The following HERC1 variants were observed in gnomAD, a reference collection of about 807,000 sequenced individuals.
The protein encoded by HERC1 is probable E3 ubiquitin-protein ligase HERC1.
A neutral mutation model predicts 554.3 loss-of-function variants in HERC1; 160 were observed. The observed-to-expected ratio is 0.29, with a 90% CI of 0.25 to 0.33. The LOEUF is 0.33. Ranked by LOEUF, HERC1 falls within the 10% of genes least tolerant of loss-of-function variation. The pLI is 1.00. For missense variants in HERC1, 4,919 were observed against 5,918.5 expected (o/e 0.83, Z 5.54); for synonymous variants, 2,175 against 2,131.7 (o/e 1.02, Z -0.56).
At chr15:63,616,868 G>C (rs2067841029) in intron 74 of HERC1, 186 bp from the exon 75 acceptor site, 2 of 586,676 alleles carry the variant, frequency 3.4e-6, no homozygotes, top group Admixed American at 6.0e-5. Flanking sequence ...ATCACACGTT[G>C]AGTTCTCAAA....
intron 14 of HERC1, among the ~76,000 whole-genome samples, chr15:63,732,654 TTCTC>T (rs1234240413): frequency 2.0e-5 from 3 of 152,244 alleles, no homozygotes; most frequent in Non-Finnish European, 4.4e-5. Flanking sequence ...CTCATTATTC[TTCTC>T]TCTAAAAATG....
chr15:63,791,533 A>G (rs1212836602), intron 1 of HERC1, among the ~76,000 whole-genome samples: 1 of 152,230 alleles, frequency 6.6e-6, no homozygotes, highest in Non-Finnish European at 1.5e-5. Context: ...ACATCCAACT[A>G]GTAACATTTC....
At chr15:63,800,426 T>G (rs1269287263) in intron 1 of HERC1, among the ~76,000 whole-genome samples, 1 of 152,204 alleles carries the variant, frequency 6.6e-6, no homozygotes, top group East Asian at 1.9e-4. Context: ...GCAGTTCTCT[T>G]TATTTAGAGC....
Position 63,775,258 on chromosome 15 carries a change from A to G in HERC1, c.366T>C (p.His122=). The G allele has an allele frequency of 6.2e-7, 1 of 1,613,996 alleles. No individual in the cohort carries two copies. Among genetic ancestry groups the G allele is most frequent in the Non-Finnish European group, 8.5e-7 (1 of 1,179,882 alleles). Reference sequence around the variant, plus strand: ...GCTGCTGCTTCACCTTGCCTTTGTCATGGTATTTATTAGAAAGTGCATAAA... The same window carrying G: ...GCTGCTGCTTCACCTTGCCTTTGTCGTGGTATTTATTAGAAAGTGCATAAA... The part of the protein sequence containing the change: ...RVFYALSNKY[H]DKGKVKQQQH... The change falls in exon 2 of 78, where the codon CAT becomes CAC. Residue 122 remains histidine (H), a synonymous_variant. Coordinates refer to ENST00000443617, the MANE Select transcript of HERC1 (RefSeq NM_003922.4). The surrounding 1 kb of genome is among the most constrained non-coding windows in gnomAD (Gnocchi z 4.0).
rs771034824 is a variant in HERC1, at chr15:63,773,579, G to A, written c.930+1115C>T. On this transcript the variant is annotated intron_variant, in intron 2 of 77. Transcript: ENST00000443617. ...TATTTTATTTTTGAGACAGATTCTC[G>A]CTCTGTTGCCCAGGAGTGTTGTGGC... is the stretch of plus-strand genomic sequence containing the variant. Among the ~76,000 whole-genome samples, 13 of 149,166 alleles carry A rather than the reference G, an allele frequency of 8.7e-5. 1 individual carries two copies. The highest frequency in any genetic ancestry group is 2.0e-4 in the Admixed American group (3 of 14,870).
chr15:63,746,840 A>C, intron 12 of HERC1, 78 bp downstream of exon 12: 1 of 1,199,556 alleles, frequency 8.3e-7, no homozygotes, highest in Non-Finnish European at 1.2e-6. Context: ...TCCAATGTAC[A>C]GTTGAATATA....
intron 44 of HERC1, 22 bp downstream of exon 44, chr15:63,662,962 C>A: frequency 6.3e-7 from 1 of 1,584,722 alleles, no homozygotes; most frequent in Non-Finnish European, 8.7e-7. Context: ...GTCAGAGCAG[C>A]CCCCGCTGCA....
At position 63,612,666 on chromosome 15, in the gene HERC1, C is replaced by G. The variant is rs1416139480; in HGVS notation, c.14095-110G>C. The G allele has an allele frequency of 1.9e-6, 2 of 1,029,540 alleles. No individual in the cohort carries two copies. The highest frequency in any genetic ancestry group is 2.8e-6 in the Non-Finnish European group (2 of 721,534). 63.8% of individuals were successfully genotyped at this position (1,029,540 alleles called of 1,614,324 possible). A position where few individuals can be genotyped will look rare whatever the true frequency, so the allele number is the denominator to read the frequency against. ...ATGCCTGCTCGTCCGCTCCCCAGACCCTCTACTTGTTTCTCAGACCGCCAG... is the reference window on the plus strand; with the variant it reads ...ATGCCTGCTCGTCCGCTCCCCAGACGCTCTACTTGTTTCTCAGACCGCCAG... On this transcript the variant is annotated intron_variant, in intron 76 of 77. Coordinates refer to ENST00000443617, the MANE Select transcript of HERC1 (RefSeq NM_003922.4). The surrounding 1 kb of genome is among the most constrained non-coding windows in gnomAD (Gnocchi z 5.0).
In HERC1 at chr15:63,677,525, T is replaced by A. The variant is rs1183317665; in HGVS notation, c.7070+320A>T. ...CTATGCCAGTGTGTAACAGAAATGA[T>A]CAAAATGCAAAAAGCCAAATGAAAA... On this transcript the variant is annotated intron_variant, in intron 37 of 77. Coordinates refer to ENST00000443617, the MANE Select transcript of HERC1 (RefSeq NM_003922.4). This position sits in a 1 kb window ranked among gnomAD's most constrained non-coding sequence, Gnocchi z 4.4. Among the ~76,000 whole-genome samples, 1 of 152,088 alleles carries A rather than the reference T, an allele frequency of 6.6e-6. No homozygotes were observed. Among genetic ancestry groups the A allele is most frequent in the Non-Finnish European group, 1.5e-5 (1 of 68,012 alleles).
Position 63,640,337 on chromosome 15 carries a change from G to C in HERC1, c.11716C>G (p.Pro3906Ala). The C allele has an allele frequency of 6.2e-7, 1 of 1,613,802 alleles. No individual in the cohort carries two copies. The highest frequency in any genetic ancestry group is 8.5e-7 in the Non-Finnish European group (1 of 1,179,740). ...GGGAGACAGTTCTGGTGGTGTGGTG[G>C]CACTGGAGGGTTACACAACAGCTGA... ...LDQLLCNPPV[P>A]PHHQNCLPDP... The change falls in exon 61 of 78, where the codon CCA becomes GCA. Residue 3906 changes from proline to alanine, a missense_variant. Coordinates refer to ENST00000443617, the MANE Select transcript of HERC1 (RefSeq NM_003922.4).
At chr15:63,812,085 G>A (rs990895716) in intron 1 of HERC1, among the ~76,000 whole-genome samples, 1 of 152,138 alleles carries the variant, frequency 6.6e-6, no homozygotes, top group Non-Finnish European at 1.5e-5. Flanking sequence ...AAAATGAGCT[G>A]GCAGAAAAAC....
intron 1 of HERC1, among the ~76,000 whole-genome samples, chr15:63,782,130 T>A (rs1337713847): frequency 1.3e-5 from 2 of 152,226 alleles, no homozygotes; most frequent in Non-Finnish European, 2.9e-5. Flanking sequence ...ATCCAGAATA[T>A]CTACCTAAGG....
intron 1 of HERC1, among the ~76,000 whole-genome samples, chr15:63,820,764 G>A (rs563523730): frequency 1.3e-5 from 2 of 151,988 alleles, no homozygotes; most frequent in Non-Finnish European, 2.9e-5. Flanking sequence ...GCAGTTCTCC[G>A]GCCTTGGCCT....
rs557867317 is a variant in HERC1, at chr15:63,620,762, C to G, written c.13688+2053G>C. ...ACCATTATGTAATGGCCTTCTTTGTCTCTTTTGATCTTTGTTGGTTTAAAG... is the reference window on the plus strand; with the variant it reads ...ACCATTATGTAATGGCCTTCTTTGTGTCTTTTGATCTTTGTTGGTTTAAAG... On this transcript the variant is annotated intron_variant, in intron 74 of 77. Coordinates refer to ENST00000443617, the MANE Select transcript of HERC1 (RefSeq NM_003922.4). 3.0e-4 allele frequency among the ~76,000 whole-genome samples: 46 copies of G among 152,222 alleles called. 1 individual carries two copies. The highest frequency in any genetic ancestry group is 2.7e-3 in the Admixed American group (42 of 15,288).
chr15:63,833,085 C>G (rs891991036), intron 1 of HERC1, among the ~76,000 whole-genome samples: 7 of 152,274 alleles, frequency 4.6e-5, no homozygotes. Context: ...CTCGTGTCTC[C>G]CAGTAACCTG....
At position 63,775,535 on chromosome 15, in the gene HERC1, G is replaced by C. The variant is rs774548979; in HGVS notation, c.89C>G (p.Thr30Arg). 1.9e-6 allele frequency: 3 copies of C among 1,613,880 alleles called. No individual in the cohort carries two copies. In the South Asian group the frequency reaches 3.3e-5, roughly 18 times the overall value. Residue 30 changes from threonine to arginine, a missense_variant, in exon 2 of 78, where the codon ACA becomes AGA. Physicochemically the swap from Thr to Arg is moderately conservative, Grantham distance 71. Coordinates refer to ENST00000443617, the MANE Select transcript of HERC1 (RefSeq NM_003922.4). The surrounding 1 kb of genome is among the most constrained non-coding windows in gnomAD (Gnocchi z 4.0). ...ATACAGAACAGCAACTCCCTCTCTTGTAGCAATAGATTCACTGTCCTCTGT... is the reference window on the plus strand; with the variant it reads ...ATACAGAACAGCAACTCCCTCTCTTCTAGCAATAGATTCACTGTCCTCTGT... ...WITEDSESIA[T>R]REGVAVLYSK...
chr15:63,670,161 G>A (rs1209508467), intron 39 of HERC1, among the ~76,000 whole-genome samples: 1 of 151,994 alleles, frequency 6.6e-6, no homozygotes, highest in Non-Finnish European at 1.5e-5. Flanking sequence ...TTACAGGCAA[G>A]TTATGGAAAG....
intron 73 of HERC1, 132 bp from the exon 74 acceptor site, chr15:63,623,023 C>A: frequency 5.0e-6 from 3 of 601,578 alleles, no homozygotes; most frequent in Non-Finnish European, 8.7e-6. Context: ...CCAACAATTT[C>A]ATACTTTATT....
Position 63,758,822 on chromosome 15 carries a change from T to C in HERC1, c.1027-453A>G, listed in dbSNP as rs1430445488. On this transcript the variant is annotated intron_variant, in intron 3 of 77. Transcript: ENST00000443617. This position sits in a 1 kb window ranked among gnomAD's most constrained non-coding sequence, Gnocchi z 4.0. ...AGAGTCATGCAAATCCATGCCTACC[T>C]AGTCTTCATGATTGAATAGATAATA... Among the ~76,000 whole-genome samples, 1 of 152,162 alleles carries C rather than the reference T, an allele frequency of 6.6e-6. No individual in the cohort carries two copies. Among genetic ancestry groups the C allele is most frequent in the Non-Finnish European group, 1.5e-5 (1 of 68,042 alleles).
Sources: gnomAD v4.1 joint callset for allele counts (sites outside exome capture counted in the v4.1 genomes callset) on GRCh38, gnomAD v4.1.1 for gene constraint, Gnocchi (gnomAD v3.1) non-coding constraint, MANE v1.5 for transcripts, NCBI Gene and HGNC (gene_info 2026-07-23, HGNC 2026-07-21) for gene names.